Variants in C1GALT1 observed in about 807,000 individuals in gnomAD.
The protein encoded by C1GALT1 is core 1 synthase, glycoprotein-N-acetylgalactosamine 3-beta-galactosyltransferase 1, also known as glycoprotein-N-acetylgalactosamine 3-beta-galactosyltransferase 1.
Under a neutral mutation model 31.0 loss-of-function variants are expected in C1GALT1, and 11 were observed. The ratio of observed to expected loss-of-function variants is 0.36; its 90% CI spans 0.22 to 0.59. The LOEUF (loss-of-function observed/expected upper bound fraction) is 0.59. C1GALT1 is among the 20% of genes least tolerant of loss of function. The pLI is 0.79. For missense variants in C1GALT1, 424 were observed against 425.2 expected (o/e 1.00, Z 0.03); for synonymous variants, 175 against 143.6 (o/e 1.22, Z -1.56).
chr7:7,246,889 T>C lies in C1GALT1; in HGVS notation c.*3162T>C, dbSNP rs1235569491. On this transcript the variant is annotated 3_prime_UTR_variant, in exon 4 of 4. Coordinates refer to ENST00000436587, the MANE Select transcript of C1GALT1 (RefSeq NM_020156.5). ...GATCACACTATATTAAATATAAAGA[T>C]AACTTAAAGGATCATTGGATCATTC... 6.6e-6 allele frequency: 1 copy of C among 152,180 alleles called. No individual in the cohort carries two copies. Among genetic ancestry groups the C allele is most frequent in the Non-Finnish European group, 1.5e-5 (1 of 68,030 alleles). 9.4% of individuals were successfully genotyped at this position (152,180 alleles called of 1,614,324 possible). A position where few individuals can be genotyped will look rare whatever the true frequency, so the allele number is the denominator to read the frequency against.
chr7:7,162,241 A>G (rs1393899601), intron 2 of C1GALT1, among the ~76,000 whole-genome samples: 2 of 144,736 alleles, frequency 1.4e-5, no homozygotes, highest in South Asian at 2.3e-4. Flanking sequence ...CATTAGGTAT[A>G]TCTCCTAATG....
chr7:7,241,698 T>G (rs1783637375), intron 3 of C1GALT1, among the ~76,000 whole-genome samples: 1 of 152,028 alleles, frequency 6.6e-6, no homozygotes, highest in South Asian at 2.1e-4. Context: ...TTTGATTTTC[T>G]TTTTAAGCAT....
intron 1 of C1GALT1, among the ~76,000 whole-genome samples, chr7:7,183,029 C>T (rs1478015184): frequency 6.6e-6 from 1 of 152,170 alleles, no homozygotes; most frequent in Non-Finnish European, 1.5e-5. Flanking sequence ...CCTTAGCGAT[C>T]TGCCACAGCG....
intron 1 of C1GALT1, among the ~76,000 whole-genome samples, chr7:7,222,569 A>G (rs569094133): frequency 1.2e-4 from 19 of 152,308 alleles, no homozygotes; most frequent in Non-Finnish European, 2.4e-4. Flanking sequence ...CATGAATACT[A>G]TTTGAATTCT....
At position 7,243,895 on chromosome 7, in the gene C1GALT1, G is replaced by A. The variant is rs1783741562; in HGVS notation, c.*168G>A. 1 of 508,218 alleles carries A rather than the reference G, an allele frequency of 2.0e-6. No homozygotes were observed. Among genetic ancestry groups the A allele is most frequent in the African/African-American group, 2.0e-5 (1 of 51,110 alleles). 31.5% of individuals were successfully genotyped at this position (508,218 alleles called of 1,614,324 possible). On this transcript the variant is annotated 3_prime_UTR_variant, in exon 4 of 4. Transcript: ENST00000436587. The stretch of plus-strand genomic sequence containing the variant: ...TAAACTGAAGCTTTAAATGAGCTGT[G>A]AAGTGTGTTAAAATGTGTTTTGATA...
chr7:7,165,479 C>T (rs574253911), intron 2 of C1GALT1, among the ~76,000 whole-genome samples: 16 of 152,170 alleles, frequency 1.1e-4, no homozygotes, highest in African/African-American at 3.9e-4. Flanking sequence ...AAAAGACAAA[C>T]ATCATATCCA....
At chr7:7,199,743 A>G (rs1781456521) in intron 1 of C1GALT1, among the ~76,000 whole-genome samples, 1 of 152,186 alleles carries the variant, frequency 6.6e-6, no homozygotes, top group Admixed American at 6.5e-5. Flanking sequence ...ATGCATATAT[A>G]TTTAGAATAG....
upstream of C1GALT1, among the ~76,000 whole-genome samples, chr7:7,181,351 T>A (rs1196716235): frequency 6.6e-6 from 1 of 151,884 alleles, no homozygotes; most frequent in Non-Finnish European, 1.5e-5. Context: ...CAGAGAAGTC[T>A]GGACCCATGA....
chr7:7,174,456 A>G (rs1780484498), intron 2 of C1GALT1, among the ~76,000 whole-genome samples: 1 of 152,212 alleles, frequency 6.6e-6, no homozygotes, highest in Admixed American at 6.5e-5. Flanking sequence ...CAACATGCCT[A>G]CACTGAACCA....
chr7:7,202,963 C>CT (rs1025868322), intron 1 of C1GALT1, among the ~76,000 whole-genome samples: 2 of 151,228 alleles, frequency 1.3e-5, no homozygotes, highest in African/African-American at 2.4e-5. Flanking sequence ...CCTAAGGTTT[C>CT]TTTTTTTTGC....
chr7:7,171,432 CT>C (rs35868548), intron 2 of C1GALT1, among the ~76,000 whole-genome samples: 1 of 152,010 alleles, frequency 6.6e-6, no homozygotes, highest in Non-Finnish European at 1.5e-5. Context: ...CCTTGGCTCT[CT>C]TTTGGTTACT....
chr7:7,193,546 T>G (rs1426858713), intron 1 of C1GALT1, among the ~76,000 whole-genome samples: 1 of 152,236 alleles, frequency 6.6e-6, no homozygotes, highest in Non-Finnish European at 1.5e-5. Context: ...CCATGCTGTT[T>G]CGGTAACTAT....
intron 2 of C1GALT1, 68 bp downstream of exon 2, chr7:7,234,607 C>G (rs770725584): frequency 8.6e-7 from 1 of 1,165,208 alleles, no homozygotes; most frequent in Non-Finnish European, 1.2e-6. Flanking sequence ...ATATTCCTGT[C>G]TGTATCTGTT....
Position 7,237,192 on chromosome 7 carries a change from A to G in C1GALT1, c.221-1063A>G, listed in dbSNP as rs559108295. ...TTTTTATCCTATTTACACAGTGTAG[A>G]CCTCTTTTAGAAATAAAAATTGGCC... is the stretch of plus-strand genomic sequence containing the variant. On this transcript the variant is annotated intron_variant, in intron 2 of 3. Transcript: ENST00000436587. 6.1e-4 allele frequency among the ~76,000 whole-genome samples: 93 copies of G among 152,262 alleles called. 2 individuals are homozygous for G. In the South Asian group the frequency reaches 0.012, roughly 19 times the overall value.
At chr7:7,239,670 T>C (rs1783532769) in intron 3 of C1GALT1, among the ~76,000 whole-genome samples, 3 of 152,190 alleles carry the variant, frequency 2.0e-5, no homozygotes, top group Non-Finnish European at 4.4e-5. Flanking sequence ...CCTGAGAATT[T>C]TATCTAAAGT....
intron 2 of C1GALT1, among the ~76,000 whole-genome samples, chr7:7,168,112 T>C (rs746040261): frequency 1.3e-5 from 2 of 152,180 alleles, no homozygotes; most frequent in Non-Finnish European, 2.9e-5. Context: ...AACCTAGTGA[T>C]AATGCAAAGG....
intron 2 of C1GALT1, among the ~76,000 whole-genome samples, chr7:7,177,254 C>T (rs1181047179): frequency 6.6e-6 from 1 of 152,200 alleles, no homozygotes. Context: ...TCAGGTTAGT[C>T]ATGCCACAAA....
At position 7,244,390 on chromosome 7, in the gene C1GALT1, G is replaced by T. The variant is rs1295223710; in HGVS notation, c.*663G>T. The T allele has an allele frequency of 1.3e-5, 2 of 152,052 alleles. No individual in the cohort carries two copies. Among genetic ancestry groups the T allele is most frequent in the Admixed American group, 1.3e-4 (2 of 15,272 alleles). 9.4% of individuals were successfully genotyped at this position (152,052 alleles called of 1,614,324 possible). On this transcript the variant is annotated 3_prime_UTR_variant, in exon 4 of 4. Transcript: ENST00000436587. ...TATATTATATACTTGATTCTAATTAGTCATCTTTTACGCAATCTCTGTTGT... is the reference window on the plus strand; with the variant it reads ...TATATTATATACTTGATTCTAATTATTCATCTTTTACGCAATCTCTGTTGT...
intron 2 of C1GALT1, among the ~76,000 whole-genome samples, chr7:7,167,104 C>T (rs1353110166): frequency 2.6e-5 from 4 of 152,202 alleles, no homozygotes; most frequent in African/African-American, 7.2e-5. Context: ...GGAAAAGTCA[C>T]TCTGGGCCAG....
Sources: gnomAD v4.1 joint callset for allele counts (sites outside exome capture counted in the v4.1 genomes callset) on GRCh38, gnomAD v4.1.1 for gene constraint, MANE v1.5 for transcripts, NCBI Gene and HGNC (gene_info 2026-07-23, HGNC 2026-07-21) for gene names.